Variants in CHD1L observed in about 807,000 individuals in gnomAD.
The protein encoded by CHD1L is ATP-dependent chromatin remodeler CHD1L.
A neutral mutation model predicts 115.9 loss-of-function variants in CHD1L; 118 were observed. The observed-to-expected ratio is 1.02, with a 90% CI of 0.88 to 1.19. The LOEUF (loss-of-function observed/expected upper bound fraction) is 1.19, where lower values mean the gene tolerates loss of function less well. Among genes scored for constraint, CHD1L ranks in the 50% most tolerant of loss-of-function variants. CHD1L has a pLI of 0.00. For synonymous variants in CHD1L, 411 were observed against 387.1 expected (o/e 1.06, Z -0.72); for missense variants, 1,179 against 1,065.3 (o/e 1.11, Z -1.49).
chr1:147,233,957 C>T, the CHD1L span, among the ~76,000 whole-genome samples: 9 of 152,106 alleles, frequency 5.9e-5, no homozygotes, highest in East Asian at 1.9e-4. Context: ...ACAAACACTG[C>T]GGAAGGCGGC....
chr1:147,273,502 A>C (rs1677081687), intron 12 of CHD1L, among the ~76,000 whole-genome samples: 1 of 152,104 alleles, frequency 6.6e-6, no homozygotes, highest in Non-Finnish European at 1.5e-5. Flanking sequence ...ATTTGGCCTC[A>C]CTCTTCCAAG....
the CHD1L span, among the ~76,000 whole-genome samples, chr1:147,196,621 G>A: frequency 0.037 from 5,607 of 151,996 alleles, 157 homozygotes; most frequent in South Asian, 0.096. Context: ...TTAAAAAGAT[G>A]TATACATCTT....
chr1:147,216,758 GATTGTGTTAGA>G, the CHD1L span, among the ~76,000 whole-genome samples: 905 of 152,304 alleles, frequency 5.9e-3, 4 homozygotes, highest in Middle Eastern at 0.01. Flanking sequence ...TCCCTTGAGA[GATTGTGTTAGA>G]AATGCAGACT....
chr1:147,245,963 A>G (rs1457081893), intron 1 of CHD1L, among the ~76,000 whole-genome samples: 4 of 152,334 alleles, frequency 2.6e-5, no homozygotes, highest in African/African-American at 9.6e-5. Context: ...ACAACAGGAT[A>G]TTGACATTGG....
Position 147,254,901 on chromosome 1 carries a change from G to C in CHD1L, c.272G>C (p.Arg91Thr). The C allele has an allele frequency of 6.2e-7, 1 of 1,607,316 alleles. No homozygotes were observed. Among genetic ancestry groups the C allele is most frequent in the Non-Finnish European group, 8.5e-7 (1 of 1,178,104 alleles). The change falls in exon 3 of 23, where the codon AGA (arginine) becomes ACA (threonine). Residue 91 changes from arginine (R) to threonine (T), a missense_variant. By Grantham distance (71) the Arg-to-Thr change is moderately conservative. Transcript: ENST00000369258. ...GCTCTCTTCATTTATTTGGCAGGAA[G>C]ATTAAATGATGAAGGGCCATTTCTG... The part of the protein sequence containing the change: ...TIALFIYLAG[R>T]LNDEGPFLIL...
the CHD1L span, among the ~76,000 whole-genome samples, chr1:147,189,864 T>TA: frequency 3.3e-5 from 5 of 152,200 alleles, no homozygotes; most frequent in Non-Finnish European, 5.9e-5. Context: ...TACTAGCACT[T>TA]CAAGTAATCC....
the CHD1L span, chr1:147,210,519 GT>G: frequency 6.6e-6 from 1 of 152,168 alleles, no homozygotes; most frequent in Non-Finnish European, 1.5e-5. Flanking sequence ...TAAAGTGACT[GT>G]AAGCACTCTG....
At chr1:147,272,739 C>A (rs888129604) in intron 12 of CHD1L, among the ~76,000 whole-genome samples, 20 of 152,066 alleles carry the variant, frequency 1.3e-4, no homozygotes, top group Admixed American at 6.5e-4. Flanking sequence ...TTGAAAATAC[C>A]AACTTTTTAG....
the CHD1L span, among the ~76,000 whole-genome samples, chr1:147,197,158 T>C: frequency 2.6e-5 from 4 of 152,210 alleles, no homozygotes; most frequent in Non-Finnish European, 4.4e-5. Flanking sequence ...TCTGAACTAC[T>C]TGCAGTTCCC....
At chr1:147,269,027 C>G in intron 10 of CHD1L, 149 bp downstream of exon 10, 1 of 558,766 alleles carries the variant, frequency 1.8e-6, no homozygotes, top group South Asian at 2.1e-5. Flanking sequence ...ACTACACTCC[C>G]ACCCCATTCT....
chr1:147,190,810 T>C, the CHD1L span, among the ~76,000 whole-genome samples: 1 of 152,056 alleles, frequency 6.6e-6, no homozygotes, highest in Non-Finnish European at 1.5e-5. Context: ...ATTAGGTATA[T>C]CTCGTAATGC....
At chr1:147,234,876 G>A in the CHD1L span, among the ~76,000 whole-genome samples, 132 of 152,262 alleles carry the variant, frequency 8.7e-4, no homozygotes, top group African/African-American at 2.8e-3. Flanking sequence ...CACATTTAAA[G>A]CTTCAACTTA....
the CHD1L span, chr1:147,205,047 A>G: frequency 2.1e-5 from 14 of 674,908 alleles, no homozygotes; most frequent in African/African-American, 2.3e-4. Context: ...TCTTTGCTAT[A>G]TAGTCCAGCC....
At chr1:147,208,885 T>G in the CHD1L span, 1 of 1,614,148 alleles carries the variant, frequency 6.2e-7, no homozygotes, top group Non-Finnish European at 8.5e-7. Flanking sequence ...CATTTCATGG[T>G]CAAACCTTTG....
At chr1:147,224,803 G>T in the CHD1L span, 2 of 1,303,432 alleles carry the variant, frequency 1.5e-6, no homozygotes, top group Non-Finnish European at 2.2e-6. Context: ...TGCCAACCGC[G>T]CCCGGCCACC....
At chr1:147,191,246 G>A in the CHD1L span, among the ~76,000 whole-genome samples, 1 of 152,078 alleles carries the variant, frequency 6.6e-6, no homozygotes, top group Non-Finnish European at 1.5e-5. Flanking sequence ...CTAGATTCCT[G>A]AGGAATCGCC....
upstream of CHD1L, chr1:147,242,678 C>CGCGGG (rs782171863): frequency 5.1e-5 from 64 of 1,264,638 alleles, no homozygotes; most frequent in Non-Finnish European, 6.2e-5. Context: ...CGCTTGGCCG[C>CGCGGG]GCGGGGCGGG....
chr1:147,273,135 G>A (rs587628862), intron 12 of CHD1L, among the ~76,000 whole-genome samples: 19 of 152,236 alleles, frequency 1.2e-4, no homozygotes, highest in African/African-American at 4.1e-4. Context: ...TCCAGGAGGC[G>A]GAGGTTGCAG....
the CHD1L span, among the ~76,000 whole-genome samples, chr1:147,235,701 A>T: frequency 1.3e-5 from 2 of 152,198 alleles, no homozygotes; most frequent in Non-Finnish European, 2.9e-5. Flanking sequence ...AATCAGAGGA[A>T]GAAGAAGGTC....
Sources: gnomAD v4.1 joint callset for allele counts (sites outside exome capture counted in the v4.1 genomes callset) on GRCh38, gnomAD v4.1.1 for gene constraint, MANE v1.5 for transcripts, NCBI Gene and HGNC (gene_info 2026-07-23, HGNC 2026-07-21) for gene names.